CDH18: variants seen among roughly 807,000 people sequenced by gnomAD.
The protein encoded by CDH18 is cadherin 18.
CDH18 carries 31 observed loss-of-function variants against 67.9 expected under a neutral mutation model. The observed-to-expected ratio is 0.46, with a 90% confidence interval of 0.34 to 0.62. The LOEUF is 0.62. Among genes scored for constraint, CDH18 ranks in the 20% least tolerant of loss-of-function variants. The pLI, the probability that CDH18 is intolerant of heterozygous loss-of-function variation, is 0.01. For missense variants in CDH18, 890 were observed against 975.5 expected (o/e 0.91, Z 1.17); for synonymous variants, 362 against 347.2 (o/e 1.04, Z -0.48).
chr5:20,305,866 AC>A, intron 1 of CDH18: 2 of 197,670 alleles, frequency 1.0e-5, no homozygotes, highest in Non-Finnish European at 2.0e-5. Flanking sequence ...AAAGGATGCT[AC>A]AATTTTCCAC....
intron 1 of CDH18, among the ~76,000 whole-genome samples, chr5:20,378,186 T>C (rs951102290): frequency 6.6e-6 from 1 of 152,124 alleles, no homozygotes; most frequent in African/African-American, 2.4e-5. Flanking sequence ...TTTCTTTTTC[T>C]TTTTTGAGAC....
intron 10 of CDH18, 147 bp from the exon 11 acceptor site, chr5:19,503,256 A>G (rs1003482695): frequency 3.4e-6 from 2 of 592,134 alleles, no homozygotes; most frequent in Non-Finnish European, 6.0e-6. Context: ...TCATAAAACA[A>G]TCAACTAAAT....
At chr5:19,584,699 G>A (rs1743817341) in intron 7 of CDH18, among the ~76,000 whole-genome samples, 1 of 147,658 alleles carries the variant, frequency 6.8e-6, no homozygotes, top group African/African-American at 2.5e-5. Context: ...TGTAATCCCA[G>A]CAGTTTGGGA....
chr5:19,709,749 C>T (rs113435132), intron 5 of CDH18, among the ~76,000 whole-genome samples: 3 of 150,686 alleles, frequency 2.0e-5, no homozygotes, highest in East Asian at 3.9e-4. Flanking sequence ...AAGGCATATC[C>T]CAAAATGTTG....
intron 2 of CDH18, among the ~76,000 whole-genome samples, chr5:20,242,611 A>C (rs9637795): frequency 0.068 from 2,655 of 38,904 alleles, 335 homozygotes; most frequent in African/African-American, 0.19. Context: ...AAAAAAAAAA[A>C]ATATATATAT....
chr5:19,925,482 C>G (rs1241831951), intron 2 of CDH18, among the ~76,000 whole-genome samples: 1 of 151,854 alleles, frequency 6.6e-6, no homozygotes, highest in Admixed American at 6.6e-5. Context: ...TAGCATCGCA[C>G]TGCATTTTTC....
chr5:19,942,237 T>C (rs1303073776), intron 2 of CDH18, among the ~76,000 whole-genome samples: 1 of 152,126 alleles, frequency 6.6e-6, no homozygotes, highest in Non-Finnish European at 1.5e-5. Context: ...AATTTCAGTG[T>C]GGTCATATTC....
intron 2 of CDH18, among the ~76,000 whole-genome samples, chr5:19,964,490 T>C (rs1797230269): frequency 6.6e-6 from 1 of 150,534 alleles, no homozygotes; most frequent in Admixed American, 6.6e-5. Flanking sequence ...CCCAGCTACT[T>C]GAGGGGCTGA....
chr5:20,425,867 T>C (rs1748261443), intron 1 of CDH18, among the ~76,000 whole-genome samples: 1 of 151,014 alleles, frequency 6.6e-6, no homozygotes, highest in Non-Finnish European at 1.5e-5. Flanking sequence ...TTTATTGTTG[T>C]TGTTTTAACT....
intron 1 of CDH18, among the ~76,000 whole-genome samples, chr5:20,369,171 G>T (rs1255340228): frequency 6.6e-6 from 1 of 151,670 alleles, no homozygotes; most frequent in Admixed American, 6.6e-5. Flanking sequence ...GTTTACTGAA[G>T]GTCTTTTAAA....
intron 2 of CDH18, among the ~76,000 whole-genome samples, chr5:20,141,731 A>G (rs1286011782): frequency 6.6e-6 from 1 of 152,154 alleles, no homozygotes; most frequent in African/African-American, 2.4e-5. Context: ...TTGGCAGGGA[A>G]AGAGTTATTA....
intron 2 of CDH18, among the ~76,000 whole-genome samples, chr5:19,899,495 A>G (rs1374236261): frequency 6.6e-6 from 1 of 152,176 alleles, no homozygotes; most frequent in African/African-American, 2.4e-5. Context: ...ACTCTGTGTA[A>G]ACTGCTGGTG....
At chr5:19,800,124 A>G (rs936586960) in intron 3 of CDH18, among the ~76,000 whole-genome samples, 2 of 152,172 alleles carry the variant, frequency 1.3e-5, no homozygotes, top group African/African-American at 4.8e-5. Context: ...GAAGGATAAA[A>G]GAAACCATAT....
At chr5:20,299,283 G>T (rs1473365938) in intron 1 of CDH18, among the ~76,000 whole-genome samples, 2 of 152,038 alleles carry the variant, frequency 1.3e-5, no homozygotes, top group East Asian at 3.9e-4. Context: ...TGCACAAAAT[G>T]GATGTGGTTT....
At chr5:19,836,898 C>G (rs1213166018) in intron 3 of CDH18, among the ~76,000 whole-genome samples, 5 of 152,032 alleles carry the variant, frequency 3.3e-5, no homozygotes, top group African/African-American at 4.8e-5. Context: ...ACCCAGCAAT[C>G]CCATTACTGG....
intron 2 of CDH18, among the ~76,000 whole-genome samples, chr5:20,208,522 A>C (rs181997591): frequency 2.0e-5 from 3 of 152,266 alleles, no homozygotes; most frequent in African/African-American, 7.2e-5. Flanking sequence ...TACCATCTGC[A>C]AAACACTAAA....
intron 2 of CDH18, among the ~76,000 whole-genome samples, chr5:20,209,874 G>A (rs1249388151): frequency 3.3e-5 from 5 of 151,514 alleles, no homozygotes; most frequent in Non-Finnish European, 5.9e-5. Context: ...AAGGTAATGG[G>A]AAGCCCAATT....
chr5:19,873,867 C>T (rs557271217), intron 2 of CDH18, among the ~76,000 whole-genome samples: 14 of 152,154 alleles, frequency 9.2e-5, no homozygotes, highest in South Asian at 2.1e-4. Context: ...AGGCAGGTTG[C>T]GAACTCCTGA....
chr5:19,690,084 T>C (rs1055968742), intron 5 of CDH18, among the ~76,000 whole-genome samples: 69 of 90,698 alleles, frequency 7.6e-4, no homozygotes, highest in African/African-American at 2.2e-3. Context: ...TGTGTGTGTG[T>C]ATATATATAT....
Sources: allele counts gnomAD v4.1 joint callset (sites outside exome capture counted in the v4.1 genomes callset), GRCh38; gene constraint gnomAD v4.1.1; transcripts MANE v1.5; gene names NCBI Gene and HGNC (gene_info 2026-07-23, HGNC 2026-07-21).